The following TMEM272 variants were observed in gnomAD, a reference collection of about 807,000 sequenced individuals.
The protein encoded by TMEM272 is transmembrane protein 272.
TMEM272 carries 8 observed loss-of-function variants against 3.7 expected under a neutral mutation model. The ratio of observed to expected loss-of-function variants is 2.17; its 90% CI spans 1.27 to 3.91. The LOEUF (loss-of-function observed/expected upper bound fraction) is 3.91. Among genes scored for constraint, TMEM272 ranks in the 30% most tolerant of loss-of-function variants. The pLI, the probability that TMEM272 is intolerant of heterozygous loss-of-function variation, is 0.00. For missense variants in TMEM272, 166 were observed against 91.5 expected (o/e 1.81, Z -3.32); for synonymous variants, 63 against 39.8 (o/e 1.58, Z -2.20).
At chr13:51,898,363 G>C in the TMEM272 span, among the ~76,000 whole-genome samples, 1 of 151,930 alleles carries the variant, frequency 6.6e-6, no homozygotes, top group Non-Finnish European at 1.5e-5. Context: ...ACTAATGCAG[G>C]ATATTGTTCT....
At chr13:51,867,175 C>T in the TMEM272 span, among the ~76,000 whole-genome samples, 2 of 152,202 alleles carry the variant, frequency 1.3e-5, no homozygotes, top group African/African-American at 4.8e-5. Context: ...TCCCCTACTA[C>T]TAGACAAGCA....
the TMEM272 span, among the ~76,000 whole-genome samples, chr13:51,912,232 T>C: frequency 6.6e-6 from 1 of 152,192 alleles, no homozygotes; most frequent in Non-Finnish European, 1.5e-5. Context: ...GCACAGTGTG[T>C]GCAGCAGGTA....
At chr13:51,916,597 A>G in the TMEM272 span, among the ~76,000 whole-genome samples, 1 of 152,178 alleles carries the variant, frequency 6.6e-6, no homozygotes, top group African/African-American at 2.4e-5. Flanking sequence ...CAGCCATCCG[A>G]GCATGGACTG....
At chr13:51,875,311 C>T in the TMEM272 span, among the ~76,000 whole-genome samples, 1 of 152,130 alleles carries the variant, frequency 6.6e-6, no homozygotes, top group Non-Finnish European at 1.5e-5. Flanking sequence ...GGCTGTTTGG[C>T]TCCAGAACTC....
the TMEM272 span, among the ~76,000 whole-genome samples, chr13:51,927,773 T>C: frequency 6.6e-6 from 1 of 152,188 alleles, no homozygotes; most frequent in East Asian, 1.9e-4. Context: ...CAGTCCCTAC[T>C]TGGGGATGCC....
rs772782749 is a variant in TMEM272 at position 51,816,681 on chromosome 13, CTG to C, written c.*68_*69del. The C allele has an allele frequency of 2.5e-4, 154 of 627,958 alleles. 2 individuals are homozygous for C. The highest frequency in any genetic ancestry group is 1.4e-4 in the Admixed American group (6 of 43,158). 38.9% of individuals were successfully genotyped at this position (627,958 alleles called of 1,614,324 possible). ...TGTGTGTGTGTGTGTGTGTGTGCGT[CTG>C]TGTGTCTGTGTGCACGCGCGTGCAT... On this transcript the variant is annotated 3_prime_UTR_variant, in exon 5 of 5. Transcript: ENST00000629372.
chr13:51,832,593 A>G (rs1157128151), intron 2 of TMEM272, among the ~76,000 whole-genome samples: 2 of 152,006 alleles, frequency 1.3e-5, no homozygotes, highest in Non-Finnish European at 2.9e-5. Context: ...ATGGTGCCCA[A>G]ACCCCAGTCA....
At chr13:51,905,918 G>A in the TMEM272 span, among the ~76,000 whole-genome samples, 3 of 152,216 alleles carry the variant, frequency 2.0e-5, no homozygotes, top group African/African-American at 7.2e-5. Flanking sequence ...AAGCAGACAG[G>A]TAGGAGTCTC....
the TMEM272 span, among the ~76,000 whole-genome samples, chr13:51,872,111 A>G: frequency 6.6e-6 from 1 of 152,248 alleles, no homozygotes; most frequent in Admixed American, 6.5e-5. Flanking sequence ...AATATGATAT[A>G]GCCTAAAATT....
At chr13:51,870,272 T>C in the TMEM272 span, among the ~76,000 whole-genome samples, 3 of 146,420 alleles carry the variant, frequency 2.0e-5, no homozygotes, top group African/African-American at 8.3e-5. Context: ...TGTGTGTGAC[T>C]ATCTATTTAA....
At chr13:51,862,689 A>G in the TMEM272 span, among the ~76,000 whole-genome samples, 3 of 152,140 alleles carry the variant, frequency 2.0e-5, no homozygotes, top group Non-Finnish European at 4.4e-5. Flanking sequence ...GAGGTATCTG[A>G]GTGCTGAAGG....
chr13:51,887,306 T>C, the TMEM272 span, among the ~76,000 whole-genome samples: 3 of 152,170 alleles, frequency 2.0e-5, no homozygotes, highest in African/African-American at 4.8e-5. Context: ...GACAACTATT[T>C]AGCAATTACC....
chr13:51,830,732 T>C (rs1022440719), intron 2 of TMEM272, among the ~76,000 whole-genome samples: 5 of 152,342 alleles, frequency 3.3e-5, no homozygotes, highest in African/African-American at 1.2e-4. Context: ...GTATACACTG[T>C]GGTTCTCATG....
At chr13:51,890,061 C>CA in the TMEM272 span, among the ~76,000 whole-genome samples, 1 of 152,168 alleles carries the variant, frequency 6.6e-6, no homozygotes, top group South Asian at 2.1e-4. Flanking sequence ...TGCTGAGCAA[C>CA]ACTGGTGGTG....
chr13:51,887,500 C>T, the TMEM272 span, among the ~76,000 whole-genome samples: 5 of 152,190 alleles, frequency 3.3e-5, no homozygotes, highest in South Asian at 1.0e-3. Flanking sequence ...AAATGAAGAC[C>T]ATCTTTCTAT....
chr13:51,924,515 G>T, the TMEM272 span, among the ~76,000 whole-genome samples: 15 of 152,118 alleles, frequency 9.9e-5, no homozygotes, highest in African/African-American at 3.6e-4. Flanking sequence ...GCCCCCATCT[G>T]CCCTGTTATT....
chr13:51,866,030 A>G, the TMEM272 span: 9 of 1,608,268 alleles, frequency 5.6e-6, no homozygotes, highest in East Asian at 1.6e-4. Context: ...TGGGCCCCAC[A>G]ACGCCAACAG....
chr13:51,922,789 CCA>C, the TMEM272 span, among the ~76,000 whole-genome samples: 1 of 152,172 alleles, frequency 6.6e-6, no homozygotes, highest in Non-Finnish European at 1.5e-5. Context: ...TCTGAGGCCA[CCA>C]CAGTCCTTGG....
the TMEM272 span, chr13:51,933,681 T>C: frequency 6.6e-6 from 1 of 152,214 alleles, no homozygotes; most frequent in Admixed American, 6.5e-5. Context: ...TCCTCCTATT[T>C]GGGCAGTACC....
Sources: allele counts gnomAD v4.1 joint callset (sites outside exome capture counted in the v4.1 genomes callset), GRCh38; gene constraint gnomAD v4.1.1; transcripts MANE v1.5; gene names NCBI Gene and HGNC (gene_info 2026-07-23, HGNC 2026-07-21).